The following GALNT18 variants were observed in gnomAD, a reference collection of about 807,000 sequenced individuals.
GALNT18 encodes the protein polypeptide N-acetylgalactosaminyltransferase 18.
A neutral mutation model predicts 69.5 loss-of-function variants in GALNT18; 44 were observed. The observed-to-expected ratio is 0.63, with a 90% CI of 0.50 to 0.81. The LOEUF is 0.81. Among genes scored for constraint, GALNT18 ranks in the 40% least tolerant of loss-of-function variants. GALNT18 has a pLI of 0.00. For synonymous variants in GALNT18, 364 were observed against 318.2 expected (o/e 1.14, Z -1.53); for missense variants, 715 against 810.0 (o/e 0.88, Z 1.42).
At chr11:11,522,078 A>C (rs1256163779) in intron 1 of GALNT18, among the ~76,000 whole-genome samples, 2 of 152,148 alleles carry the variant, frequency 1.3e-5, no homozygotes, top group Non-Finnish European at 2.9e-5. Flanking sequence ...CTGGGGCGGG[A>C]TGACTTCTAC....
In GALNT18 at chr11:11,600,871, T is replaced by C. The variant is rs1859616212; in HGVS notation, c.235+20488A>G. 6.6e-6 allele frequency among the ~76,000 whole-genome samples: 1 copy of C among 152,172 alleles called. No individual in the cohort carries two copies. The highest frequency in any genetic ancestry group is 2.1e-4 in the South Asian group (1 of 4,832). ...TTTCAGATGTGGTAATCTCTATTGA[T>C]CTATCTTCAAATTTGCTGATACTTT... On this transcript the variant is annotated intron_variant, in intron 1 of 10. Coordinates refer to ENST00000227756, the MANE Select transcript of GALNT18 (RefSeq NM_198516.3). The surrounding 1 kb of genome is among the most constrained non-coding windows in gnomAD (Gnocchi z 4.8).
At chr11:11,367,029 A>G (rs1850788187) in intron 6 of GALNT18, among the ~76,000 whole-genome samples, 2 of 152,182 alleles carry the variant, frequency 1.3e-5, no homozygotes, top group African/African-American at 4.8e-5. Flanking sequence ...CAGATAAGGA[A>G]ACCTTAAATG....
chr11:11,503,683 C>T (rs996264048), intron 1 of GALNT18, among the ~76,000 whole-genome samples: 2 of 152,238 alleles, frequency 1.3e-5, no homozygotes, highest in African/African-American at 4.8e-5. Context: ...TACTACAGTG[C>T]CACAGTATTC....
At chr11:11,547,989 C>A (rs1183368523) in intron 1 of GALNT18, among the ~76,000 whole-genome samples, 1 of 152,200 alleles carries the variant, frequency 6.6e-6, no homozygotes, top group Non-Finnish European at 1.5e-5. Flanking sequence ...AATGGCTGAA[C>A]CAGGACTCCA....
chr11:11,597,396 C>T (rs1565034149), intron 1 of GALNT18, among the ~76,000 whole-genome samples: 1 of 152,090 alleles, frequency 6.6e-6, no homozygotes, highest in Non-Finnish European at 1.5e-5. Context: ...GTAGAAGTTA[C>T]CCAGTAAAGC....
In GALNT18 at chr11:11,582,061, G is replaced by GA. The variant is rs144680203; in HGVS notation, c.235+39297dup. Among the ~76,000 whole-genome samples the GA allele has an allele frequency of 0.01, 1,581 of 152,032 alleles. 47 individuals carry two copies. The East Asian group carries it at 0.12, about 12-fold the overall frequency. On this transcript the variant is annotated intron_variant, in intron 1 of 10. Coordinates refer to ENST00000227756, the MANE Select transcript of GALNT18 (RefSeq NM_198516.3). The surrounding 1 kb of genome is among the most constrained non-coding windows in gnomAD (Gnocchi z 5.0). ...AGGTTCCATGTATACTGTGTATTAGGAAAAACCAAGCAGAGGCAGTGGGAA... is the reference window on the plus strand; with the variant it reads ...AGGTTCCATGTATACTGTGTATTAGGAAAAAACCAAGCAGAGGCAGTGGGAA...
rs578089993 is a variant in GALNT18, at chr11:11,546,901, G to A, written c.235+74458C>T. ...GGAGATGTGTATGGATGAATGGATA[G>A]ATGGGTAGGTGGATGGATATGGAAT... On this transcript the variant is annotated intron_variant, in intron 1 of 10. Coordinates refer to ENST00000227756, the MANE Select transcript of GALNT18 (RefSeq NM_198516.3). The surrounding 1 kb of genome is among the most constrained non-coding windows in gnomAD (Gnocchi z 5.8). Among the ~76,000 whole-genome samples, 5 of 152,022 alleles carry A rather than the reference G, an allele frequency of 3.3e-5. No individual in the cohort carries two copies. The highest frequency in any genetic ancestry group is 7.4e-5 in the Non-Finnish European group (5 of 68,004).
At chr11:11,576,197 C>T (rs907326732) in intron 1 of GALNT18, among the ~76,000 whole-genome samples, 3 of 152,214 alleles carry the variant, frequency 2.0e-5, no homozygotes, top group Non-Finnish European at 2.9e-5. Context: ...CCTGCTCCTG[C>T]ACCAACTGCA....
intron 8 of GALNT18, among the ~76,000 whole-genome samples, chr11:11,329,182 C>T (rs1158426748): frequency 6.6e-6 from 1 of 152,172 alleles, no homozygotes; most frequent in Non-Finnish European, 1.5e-5. Context: ...GAAACAATGT[C>T]TACAAGTGCT....
intron 1 of GALNT18, among the ~76,000 whole-genome samples, chr11:11,571,216 G>A (rs1301137569): frequency 6.6e-6 from 1 of 152,208 alleles, no homozygotes; most frequent in African/African-American, 2.4e-5. Flanking sequence ...GTCAGTGTCA[G>A]GACCAGGATT....
At position 11,494,919 on chromosome 11, in the gene GALNT18, T is replaced by C. The variant is rs1028683584; in HGVS notation, c.236-45983A>G. 6.6e-6 allele frequency among the ~76,000 whole-genome samples: 1 copy of C among 151,840 alleles called. No individual in the cohort carries two copies. The highest frequency in any genetic ancestry group is 1.5e-5 in the Non-Finnish European group (1 of 67,998). ...TCCACCAAAGGAAAATGCAATAACA[T>C]GGAGTTATAAGCCAATCACATGCTC... On this transcript the variant is annotated intron_variant, in intron 1 of 10. Coordinates refer to ENST00000227756, the MANE Select transcript of GALNT18 (RefSeq NM_198516.3). This position sits in a 1 kb window ranked among gnomAD's most constrained non-coding sequence, Gnocchi z 5.7.
At chr11:11,384,157 A>G (rs1051332956) in intron 3 of GALNT18, among the ~76,000 whole-genome samples, 3 of 152,072 alleles carry the variant, frequency 2.0e-5, no homozygotes, top group Admixed American at 6.6e-5. Flanking sequence ...CTGAGTGTTT[A>G]TTTATTCCCC....
At chr11:11,312,388 C>T (rs1203979611) in intron 9 of GALNT18, among the ~76,000 whole-genome samples, 1 of 152,056 alleles carries the variant, frequency 6.6e-6, no homozygotes, top group African/African-American at 2.4e-5. Flanking sequence ...ATAAAGTAAG[C>T]TAGAGAAAAG....
chr11:11,424,797 T>A (rs1855089933), intron 3 of GALNT18, among the ~76,000 whole-genome samples: 1 of 152,012 alleles, frequency 6.6e-6, no homozygotes. Flanking sequence ...GAAACAGTGG[T>A]AGTAACGCTG....
intron 10 of GALNT18, among the ~76,000 whole-genome samples, chr11:11,287,889 G>A (rs928164977): frequency 1.3e-5 from 2 of 152,096 alleles, no homozygotes; most frequent in Non-Finnish European, 2.9e-5. Flanking sequence ...CCACTCCACT[G>A]CCCGACTACC....
chr11:11,375,616 C>T (rs1589950040), intron 5 of GALNT18, among the ~76,000 whole-genome samples: 1 of 152,202 alleles, frequency 6.6e-6, no homozygotes, highest in Non-Finnish European at 1.5e-5. Flanking sequence ...GGCTCTACCG[C>T]CCAGAGCCTT....
intron 3 of GALNT18, among the ~76,000 whole-genome samples, chr11:11,410,648 A>C (rs1156536793): frequency 6.6e-6 from 1 of 152,154 alleles, no homozygotes; most frequent in Non-Finnish European, 1.5e-5. Context: ...CACACCTGAA[A>C]GTCTGCTTTG....
intron 1 of GALNT18, among the ~76,000 whole-genome samples, chr11:11,578,770 C>T (rs557791629): frequency 6.6e-6 from 1 of 152,226 alleles, no homozygotes. Context: ...GGGACTCCTG[C>T]TGCATTAGCA....
intron 1 of GALNT18, among the ~76,000 whole-genome samples, chr11:11,550,888 C>T (rs928958659): frequency 3.9e-5 from 6 of 152,098 alleles, no homozygotes; most frequent in South Asian, 2.1e-4. Flanking sequence ...GGGAGTTACA[C>T]GAATAAGCCA....
Sources: gnomAD v4.1 joint callset for allele counts (sites outside exome capture counted in the v4.1 genomes callset) on GRCh38, gnomAD v4.1.1 for gene constraint, Gnocchi (gnomAD v3.1) non-coding constraint, MANE v1.5 for transcripts, NCBI Gene and HGNC (gene_info 2026-07-23, HGNC 2026-07-21) for gene names.